PTK2B: variants seen among roughly 807,000 people sequenced by gnomAD.
PTK2B encodes protein tyrosine kinase 2 beta.
PTK2B carries 71 observed loss-of-function variants against 142.9 expected under a neutral mutation model. The ratio of observed to expected loss-of-function variants is 0.50; its 90% CI spans 0.41 to 0.61. The LOEUF (loss-of-function observed/expected upper bound fraction) is 0.61. PTK2B is among the 20% of genes least tolerant of loss of function. The pLI, the probability that PTK2B is intolerant of heterozygous loss-of-function variation, is 0.00. For missense variants in PTK2B, 1,105 were observed against 1,320.4 expected (o/e 0.84, Z 2.53); for synonymous variants, 519 against 503.4 (o/e 1.03, Z -0.42).
chr8:27,435,221 A>G (rs1810697063), intron 13 of PTK2B, among the ~76,000 whole-genome samples: 2 of 152,074 alleles, frequency 1.3e-5, no homozygotes, highest in African/African-American at 4.8e-5. Context: ...CTATCCTTTC[A>G]CTGTGGGCTC....
At position 27,458,380 on chromosome 8, in the gene PTK2B, C is replaced by T. The variant is rs1255880008; in HGVS notation, c.2901C>T (p.Ser967=). The T allele has an allele frequency of 6.2e-6, 10 of 1,613,654 alleles. No individual in the cohort carries two copies. Among genetic ancestry groups the T allele is most frequent in the African/African-American group, 1.3e-5 (1 of 74,932 alleles). The change falls in exon 31 of 31, where the codon TCC becomes TCT. Residue 967 remains serine (S), a synonymous_variant. Transcript: ENST00000346049. ...MRLAQQNAVT[S]LSEECKRQML... ...TGGCACAGCAGAACGCCGTGACCTC[C>T]CTAAGTGAGGAGTGCAAGAGGCAGA...
chr8:27,336,603 C>T lies in PTK2B; in HGVS notation c.-38+10922C>T, dbSNP rs1013204493. ...GATAATGTTGAATAGATTATTTTAGCGATACATTTTCAATCACATGCTAAT... is the reference window on the plus strand; with the variant it reads ...GATAATGTTGAATAGATTATTTTAGTGATACATTTTCAATCACATGCTAAT... On this transcript the variant is annotated intron_variant, in intron 1 of 30. Coordinates refer to ENST00000346049, the MANE Select transcript of PTK2B (RefSeq NM_173176.3). 5.3e-5 allele frequency among the ~76,000 whole-genome samples: 8 copies of T among 152,162 alleles called. No individual in the cohort carries two copies. In the East Asian group the frequency reaches 7.7e-4, roughly 15 times the overall value.
intron 1 of PTK2B, among the ~76,000 whole-genome samples, chr8:27,356,019 T>C (rs1005093679): frequency 1.4e-5 from 2 of 142,278 alleles, no homozygotes; most frequent in African/African-American, 5.4e-5. Flanking sequence ...CAAGACTGTC[T>C]CAAAAAAAAA....
In PTK2B at chr8:27,434,085, C is replaced by T. The variant is rs1418374606; in HGVS notation, c.1106-8C>T. 6.2e-7 allele frequency: 1 copy of T among 1,614,094 alleles called. No homozygotes were observed. ...GCTCCAACCTCCTCCTTCCTCCTCT[C>T]TTCCTAGATGGTGAGAAGCGGAACA... On this transcript the variant is annotated splice_region_variant and splice_polypyrimidine_tract_variant and intron_variant, in intron 11 of 30. Transcript: ENST00000346049.
Position 27,430,968 on chromosome 8 carries a change from C to G in PTK2B, c.762C>G (p.Leu254=), listed in dbSNP as rs765808730. 1 of 1,614,184 alleles carries G rather than the reference C, an allele frequency of 6.2e-7. No individual in the cohort carries two copies. Among genetic ancestry groups the G allele is most frequent in the East Asian group, 2.2e-5 (1 of 44,870 alleles). Residue 254 remains leucine, a synonymous_variant, in exon 8 of 31, where the codon CTC becomes CTG. Coordinates refer to ENST00000346049, the MANE Select transcript of PTK2B (RefSeq NM_173176.3). ...EECVMKFFNT[L]AGFANIDQET... ...GCGTCATGAAGTTCTTCAACACTCT[C>G]GCCGGCTTCGCCAACATCGACCAGG...
At chr8:27,369,440 A>T (rs1408883364) in intron 1 of PTK2B, among the ~76,000 whole-genome samples, 1 of 151,862 alleles carries the variant, frequency 6.6e-6, no homozygotes, top group Admixed American at 6.6e-5. Flanking sequence ...GAGGCCGAGG[A>T]GGGTGGATCA....
At chr8:27,434,066 ACCT>A (rs1192928341) in intron 11 of PTK2B, 24 bp from the exon 12 acceptor site, 15 of 1,613,462 alleles carry the variant, frequency 9.3e-6, no homozygotes, top group African/African-American at 1.3e-5. Context: ...CCCAGCTCCA[ACCT>A]CCTCCTTCCT....
At chr8:27,425,545 C>G (rs1341764563) in intron 5 of PTK2B, among the ~76,000 whole-genome samples, 1 of 152,118 alleles carries the variant, frequency 6.6e-6, no homozygotes, top group Non-Finnish European at 1.5e-5. Flanking sequence ...CACAGCCTCC[C>G]CCACTATCAA....
At chr8:27,351,148 G>A (rs1291109088) in intron 1 of PTK2B, among the ~76,000 whole-genome samples, 1 of 147,778 alleles carries the variant, frequency 6.8e-6, no homozygotes, top group Non-Finnish European at 1.5e-5. Context: ...AGGTAGCAAT[G>A]AGCTATAATT....
upstream of PTK2B, chr8:27,311,277 G>A: frequency 6.9e-7 from 1 of 1,459,422 alleles, no homozygotes; most frequent in Non-Finnish European, 9.1e-7. Flanking sequence ...TTTTGCTCCG[G>A]CCCCTCCCAC....
intron 2 of PTK2B, chr8:27,312,438 C>G (rs1487116202): frequency 2.6e-5 from 4 of 152,184 alleles, no homozygotes; most frequent in African/African-American, 7.2e-5. Flanking sequence ...CCTACTGTAG[C>G]CTTCATCACA....
intron 5 of PTK2B, among the ~76,000 whole-genome samples, chr8:27,427,621 G>A (rs1810161057): frequency 6.6e-6 from 1 of 152,198 alleles, no homozygotes. Flanking sequence ...CTCAACCCAG[G>A]GGAACTGTAG....
chr8:27,390,932 T>A (rs1036577941), intron 1 of PTK2B, among the ~76,000 whole-genome samples: 1 of 152,170 alleles, frequency 6.6e-6, no homozygotes, highest in Non-Finnish European at 1.5e-5. Flanking sequence ...ACTCACGTAA[T>A]GGCCCAGTTG....
In PTK2B at chr8:27,431,994, A is replaced by ATT. The variant is rs368559738; in HGVS notation, c.886-256_886-255dup. ...AAACATGTTGAGATTTTTTTGTGCGATTTTTTTTTTTACCTTCATCAAGTA... is the reference window on the plus strand; with the variant it reads ...AAACATGTTGAGATTTTTTTGTGCGATTTTTTTTTTTTTACCTTCATCAAGTA... On this transcript the variant is annotated intron_variant, in intron 9 of 30. Coordinates refer to ENST00000346049, the MANE Select transcript of PTK2B (RefSeq NM_173176.3). 8.1e-3 allele frequency: 2,718 copies of ATT among 335,842 alleles called. 11 individuals carry two copies. The highest frequency in any genetic ancestry group is 0.023 in the African/African-American group (1,083 of 47,050). 20.8% of individuals were successfully genotyped at this position (335,842 alleles called of 1,614,324 possible).
At chr8:27,422,249 C>T (rs1161392024) in intron 4 of PTK2B, 55 bp from the exon 5 acceptor site, 5 of 1,543,762 alleles carry the variant, frequency 3.2e-6, no homozygotes. Flanking sequence ...GGCCTCTGTG[C>T]AGGGAAGTGG....
intron 2 of PTK2B, among the ~76,000 whole-genome samples, chr8:27,399,061 CCT>C (rs930205185): frequency 1.3e-5 from 2 of 152,172 alleles, no homozygotes; most frequent in African/African-American, 4.8e-5. Context: ...AGGATGTTTT[CCT>C]CTCTCTTTAT....
intron 10 of PTK2B, 131 bp downstream of exon 10, chr8:27,432,492 T>C: frequency 1.3e-6 from 1 of 758,264 alleles, no homozygotes; most frequent in Non-Finnish European, 2.1e-6. Flanking sequence ...GGGATCGTGT[T>C]AAGAAAACTG....
chr8:27,389,946 A>T (rs1243353384), intron 1 of PTK2B, among the ~76,000 whole-genome samples: 1 of 152,210 alleles, frequency 6.6e-6, no homozygotes, highest in Non-Finnish European at 1.5e-5. Context: ...CAATTAGTTA[A>T]GTGGCTGCAC....
chr8:27,429,823 C>T (rs370322254), intron 5 of PTK2B, among the ~76,000 whole-genome samples: 130 of 152,322 alleles, frequency 8.5e-4, no homozygotes, highest in Admixed American at 3.1e-3. Flanking sequence ...CAGATGGAGC[C>T]ACCATCTTCC....
Sources: allele counts gnomAD v4.1 joint callset (sites outside exome capture counted in the v4.1 genomes callset), GRCh38; gene constraint gnomAD v4.1.1; transcripts MANE v1.5; gene names NCBI Gene and HGNC (gene_info 2026-07-23, HGNC 2026-07-21).